The following STK31 variants were observed in gnomAD, a reference collection of about 807,000 sequenced individuals.
STK31 encodes the protein serine/threonine kinase 31, also known as serine/threonine-protein kinase 31.
A neutral mutation model predicts 129.7 loss-of-function variants in STK31; 89 were observed. That is an observed-to-expected ratio of 0.69 (90% CI 0.58 to 0.82). The LOEUF is 0.82. Ranked by LOEUF, STK31 falls within the 40% of genes least tolerant of loss-of-function variation. STK31 has a pLI of 0.00. For missense variants in STK31, 1,187 were observed against 1,176.4 expected, an observed-to-expected ratio of 1.01 and a Z score of -0.13; for synonymous variants, 448 against 395.3, an observed-to-expected ratio of 1.13 and a Z score of -1.58.
intron 15 of STK31, among the ~76,000 whole-genome samples, chr7:23,779,707 A>G (rs1300161234): frequency 1.3e-5 from 2 of 152,178 alleles, no homozygotes; most frequent in Non-Finnish European, 2.9e-5. Context: ...GGAGTGACCC[A>G]GGTTGACTTC....
intron 5 of STK31, 104 bp from the exon 6 acceptor site, chr7:23,728,987 C>A: frequency 1.0e-6 from 1 of 970,954 alleles, no homozygotes; most frequent in South Asian, 3.1e-5. Context: ...GGTAAGAATG[C>A]TATTTTGATA....
At chr7:23,721,653 G>C in intron 4 of STK31, 4 of 827,778 alleles carry the variant, frequency 4.8e-6, no homozygotes, top group Non-Finnish European at 8.6e-6. Flanking sequence ...AAGCCCTGTG[G>C]ATTCCTGACA....
intron 1 of STK31, among the ~76,000 whole-genome samples, chr7:23,711,027 G>C (rs894083940): frequency 3.3e-5 from 5 of 152,160 alleles, no homozygotes; most frequent in Non-Finnish European, 7.4e-5. Context: ...AAAAAATTAA[G>C]TTGTGACAAA....
At chr7:23,755,655 C>T (rs552204301) in intron 10 of STK31, among the ~76,000 whole-genome samples, 18 of 152,140 alleles carry the variant, frequency 1.2e-4, no homozygotes, top group Non-Finnish European at 2.4e-4. Flanking sequence ...AGTCTTTAAT[C>T]CATCTAGAGT....
At chr7:23,813,643 T>C (rs767827646) in intron 22 of STK31, among the ~76,000 whole-genome samples, 15 of 152,184 alleles carry the variant, frequency 9.9e-5, no homozygotes, top group Non-Finnish European at 2.1e-4. Context: ...TGCGTGCTGC[T>C]GGGCCTCCAG....
chr7:23,760,580 C>T (rs1470315217), intron 10 of STK31, among the ~76,000 whole-genome samples: 1 of 152,000 alleles, frequency 6.6e-6, no homozygotes, highest in Non-Finnish European at 1.5e-5. Flanking sequence ...ATATTTGCTC[C>T]CATTTTATAA....
At chr7:23,753,173 G>A (rs1297601634) in intron 9 of STK31, among the ~76,000 whole-genome samples, 2 of 152,182 alleles carry the variant, frequency 1.3e-5, no homozygotes, top group Admixed American at 1.3e-4. Flanking sequence ...CTTGAATAAC[G>A]TGTTTTCATT....
intron 23 of STK31, among the ~76,000 whole-genome samples, chr7:23,831,810 G>C (rs1794564688): frequency 6.6e-6 from 1 of 152,148 alleles, no homozygotes; most frequent in African/African-American, 2.4e-5. Context: ...TCTCTTAGTA[G>C]AGACGGGGTT....
intron 6 of STK31, among the ~76,000 whole-genome samples, chr7:23,732,796 T>C (rs1233165542): frequency 6.6e-6 from 1 of 152,180 alleles, no homozygotes; most frequent in Non-Finnish European, 1.5e-5. Flanking sequence ...ATTCCACATA[T>C]ACCAGCAATA....
intron 8 of STK31, among the ~76,000 whole-genome samples, chr7:23,750,871 G>C (rs887359026): frequency 6.6e-6 from 1 of 152,108 alleles, no homozygotes; most frequent in South Asian, 2.1e-4. Flanking sequence ...TATCATTTCT[G>C]TGTGTTGGGA....
chr7:23,830,783 C>G (rs1250560484), intron 23 of STK31, among the ~76,000 whole-genome samples: 1 of 152,008 alleles, frequency 6.6e-6, no homozygotes, highest in African/African-American at 2.4e-5. Flanking sequence ...CCACACTCAT[C>G]TAATGTTTGT....
At chr7:23,751,034 A>G (rs1023041459) in intron 8 of STK31, among the ~76,000 whole-genome samples, 2 of 152,138 alleles carry the variant, frequency 1.3e-5, no homozygotes, top group African/African-American at 4.8e-5. Context: ...TCCCTACCAC[A>G]TCCTTCCTAG....
Position 23,767,653 on chromosome 7 carries a change from TCA to T in STK31, c.1417-1341_1417-1340del, listed in dbSNP as rs1789914263. Among the ~76,000 whole-genome samples, 10 of 152,326 alleles carry T rather than the reference TCA, an allele frequency of 6.6e-5. 2 individuals carry two copies. In the South Asian group the frequency reaches 2.1e-3, roughly 32 times the overall value. ...CTGGCCAGCTCTTCTGTATTGGTTA[TCA>T]GTTTTTGCCTCATCTGTGTTCTTGT... On this transcript the variant is annotated intron_variant, in intron 11 of 23. Coordinates refer to ENST00000355870, the MANE Select transcript of STK31 (RefSeq NM_031414.5).
Position 23,712,109 on chromosome 7 carries a change from A to C in STK31, c.61A>C (p.Ile21Leu). 6.2e-7 allele frequency: 1 copy of C among 1,610,184 alleles called. No homozygotes were observed. The change falls in exon 2 of 24, where the codon ATT (isoleucine) becomes CTT (leucine). Residue 21 changes from isoleucine to leucine, a missense_variant. By Grantham distance (5) the Ile-to-Leu change is conservative. Coordinates refer to ENST00000355870, the MANE Select transcript of STK31 (RefSeq NM_031414.5). ...SATESVSFSG[I>L]VQMDEDTHYD... ...AAGGTATTGTTCTAGTTTTTCAGGA[A>C]TTGTTCAAATGGATGAAGATACACA...
In STK31 at chr7:23,785,585, G is replaced by A. The variant is rs1284634069; in HGVS notation, c.2256G>A (p.Gly752=). 1 of 1,613,084 alleles carries A rather than the reference G, an allele frequency of 6.2e-7. No individual in the cohort carries two copies. Among genetic ancestry groups the A allele is most frequent in the African/African-American group, 1.3e-5 (1 of 74,902 alleles). The change falls in exon 18 of 24, where the codon GGG becomes GGA. Residue 752 remains glycine (G), a synonymous_variant. Coordinates refer to ENST00000355870, the MANE Select transcript of STK31 (RefSeq NM_031414.5). Reference sequence around the variant, plus strand: ...CTTTGGTACGTTCTGAGGTTAATGGGCAGATAATTCTGTTAAAGGTAAGTC... The same window carrying A: ...CTTTGGTACGTTCTGAGGTTAATGGACAGATAATTCTGTTAAAGGTAAGTC... ...KRPLVRSEVN[G]QIILLKGYSV...
chr7:23,823,159 G>A (rs1366129505), intron 23 of STK31, among the ~76,000 whole-genome samples: 6 of 152,154 alleles, frequency 3.9e-5, no homozygotes, highest in Non-Finnish European at 8.8e-5. Context: ...CTAGATCCCT[G>A]AGGAATTGCC....
At chr7:23,818,487 T>C (rs1050884700) in intron 23 of STK31, among the ~76,000 whole-genome samples, 1 of 152,164 alleles carries the variant, frequency 6.6e-6, no homozygotes, top group Non-Finnish European at 1.5e-5. Context: ...CAGGGGTATA[T>C]TTTTAGTTTT....
chr7:23,746,483 C>G (rs1398446750), intron 8 of STK31, among the ~76,000 whole-genome samples: 3 of 152,130 alleles, frequency 2.0e-5, no homozygotes, highest in Non-Finnish European at 4.4e-5. Context: ...GTGTGATTAT[C>G]TACTTGCTAT....
chr7:23,794,499 A>G (rs555506751), intron 22 of STK31, among the ~76,000 whole-genome samples: 6 of 152,310 alleles, frequency 3.9e-5, no homozygotes, highest in African/African-American at 1.4e-4. Context: ...AAATTGGTAC[A>G]GAGAGTGGAA....
Sources: gnomAD v4.1 joint callset for allele counts (sites outside exome capture counted in the v4.1 genomes callset) on GRCh38, gnomAD v4.1.1 for gene constraint, MANE v1.5 for transcripts, NCBI Gene and HGNC (gene_info 2026-07-23, HGNC 2026-07-21) for gene names.